The following ZPBP variants were observed in gnomAD, a reference collection of about 807,000 sequenced individuals.
ZPBP encodes the protein zona pellucida-binding protein 1.
In ZPBP, 26 loss-of-function variants were observed where a neutral mutation model predicts 44.8. The observed-to-expected ratio is 0.58, with a 90% CI of 0.43 to 0.81. ZPBP has a LOEUF of 0.81. Ranked by LOEUF, ZPBP falls within the 30% of genes least tolerant of loss-of-function variation. The probability of loss-of-function intolerance (pLI) is 0.00; values close to 1 mark genes in which losing one functional copy is unlikely to be tolerated. For missense variants in ZPBP, 409 were observed against 434.0 expected (o/e 0.94, Z 0.51); for synonymous variants, 174 against 153.2 (o/e 1.14, Z -1.00).
intron 5 of ZPBP, among the ~76,000 whole-genome samples, chr7:50,028,951 A>C (rs564586300): frequency 2.2e-4 from 34 of 152,300 alleles, no homozygotes; most frequent in African/African-American, 8.2e-4. Flanking sequence ...AATCCCTATC[A>C]AAACCCCAAT....
intron 1 of ZPBP, chr7:49,920,758 C>G (rs1183866947): frequency 6.6e-6 from 1 of 151,790 alleles, no homozygotes; most frequent in Non-Finnish European, 1.5e-5. Context: ...AATACTTATT[C>G]CATAAACTCA....
At chr7:50,061,713 T>C (rs928245228) in intron 3 of ZPBP, among the ~76,000 whole-genome samples, 3 of 152,162 alleles carry the variant, frequency 2.0e-5, no homozygotes, top group African/African-American at 7.2e-5. Flanking sequence ...TCTAGCCTGA[T>C]GCATTTCAAT....
At chr7:50,069,186 G>A (rs1801695552) in intron 3 of ZPBP, among the ~76,000 whole-genome samples, 1 of 152,208 alleles carries the variant, frequency 6.6e-6, no homozygotes, top group South Asian at 2.1e-4. Context: ...CTTAGAGGCA[G>A]TTAGCCTGGT....
intron 1 of ZPBP, among the ~76,000 whole-genome samples, chr7:49,905,396 A>G (rs1356289463): frequency 6.6e-6 from 1 of 152,222 alleles, no homozygotes; most frequent in Non-Finnish European, 1.5e-5. Context: ...AGTTCCTCAG[A>G]GTCATCAGGG....
At chr7:50,059,117 G>A (rs1280228689) in intron 3 of ZPBP, among the ~76,000 whole-genome samples, 34 of 152,144 alleles carry the variant, frequency 2.2e-4, no homozygotes, top group Admixed American at 2.2e-3. Flanking sequence ...ATTAAAATTT[G>A]CTTAGTCTGA....
At chr7:49,896,550 T>A (rs1792391892) in intron 2 of ZPBP, among the ~76,000 whole-genome samples, 1 of 151,580 alleles carries the variant, frequency 6.6e-6, no homozygotes, top group African/African-American at 2.4e-5. Flanking sequence ...AGAACAAAAA[T>A]CAGTAAAATT....
chr7:50,063,374 C>T (rs75794660), intron 3 of ZPBP, among the ~76,000 whole-genome samples: 5 of 152,246 alleles, frequency 3.3e-5, no homozygotes, highest in African/African-American at 1.2e-4. Context: ...GAAAGCACCA[C>T]TATTTGCCAT....
intron 6 of ZPBP, among the ~76,000 whole-genome samples, chr7:49,986,180 G>A (rs1002380783): frequency 1.3e-5 from 2 of 152,132 alleles, no homozygotes; most frequent in Admixed American, 6.5e-5. Context: ...TTCCCCTCTT[G>A]TATCTGAGCC....
rs541161122 is a variant in ZPBP at position 49,908,781 on chromosome 7, C to G, written n.412-7566G>C. ...GCTTTTAGTGATTAAAGGAGTGTGT[C>G]AAAAAGACATGAGAGCTAGCTTGAA... On this transcript the variant is annotated intron_variant and non_coding_transcript_variant, in intron 1 of 2. Coordinates refer to the ZPBP transcript ENST00000465922. Among the ~76,000 whole-genome samples, 9 of 152,154 alleles carry G rather than the reference C, an allele frequency of 5.9e-5. No homozygotes were observed. In the South Asian group the frequency reaches 1.9e-3, roughly 32 times the overall value.
At chr7:49,906,399 G>A (rs1038123724) in intron 1 of ZPBP, among the ~76,000 whole-genome samples, 2 of 151,918 alleles carry the variant, frequency 1.3e-5, no homozygotes, top group African/African-American at 4.8e-5. Context: ...CAGTGGCGGC[G>A]ACCTCAGCTC....
At chr7:49,975,249 G>A (rs1359510409) in intron 7 of ZPBP, among the ~76,000 whole-genome samples, 1 of 152,136 alleles carries the variant, frequency 6.6e-6, no homozygotes. Context: ...ACTGTCACTC[G>A]TGCTAACTGG....
At chr7:50,049,985 A>G (rs1448764693) in intron 4 of ZPBP, among the ~76,000 whole-genome samples, 1 of 152,016 alleles carries the variant, frequency 6.6e-6, no homozygotes, top group African/African-American at 2.4e-5. Context: ...ACATATTAGC[A>G]ATAAACATGT....
At chr7:50,047,229 G>A (rs908977642) in intron 4 of ZPBP, among the ~76,000 whole-genome samples, 31 of 151,686 alleles carry the variant, frequency 2.0e-4, no homozygotes, top group South Asian at 2.1e-4. Flanking sequence ...AAACCACCAC[G>A]GTATGTGTAT....
intron 2 of ZPBP, among the ~76,000 whole-genome samples, chr7:50,086,728 T>C (rs1411083196): frequency 1.3e-5 from 2 of 152,042 alleles, no homozygotes; most frequent in African/African-American, 4.8e-5. Context: ...CATATCAATG[T>C]ATGCATAATC....
intron 5 of ZPBP, 37 bp downstream of exon 5, chr7:50,031,055 T>C (rs967606529): frequency 6.3e-7 from 1 of 1,577,644 alleles, no homozygotes; most frequent in African/African-American, 1.3e-5. Context: ...AGTTATGTGT[T>C]CTCCATTTGC....
chr7:49,956,710 T>G (rs1266949897), intron 7 of ZPBP, among the ~76,000 whole-genome samples: 1 of 152,086 alleles, frequency 6.6e-6, no homozygotes, highest in Non-Finnish European at 1.5e-5. Flanking sequence ...TTATGAAAAT[T>G]CCACAAATCC....
intron 7 of ZPBP, among the ~76,000 whole-genome samples, chr7:49,973,967 A>G (rs1157190793): frequency 6.6e-6 from 1 of 152,198 alleles, no homozygotes; most frequent in Non-Finnish European, 1.5e-5. Context: ...TTCTACCTTA[A>G]GGAATTTAGT....
At chr7:50,040,906 G>C (rs532456940) in intron 4 of ZPBP, among the ~76,000 whole-genome samples, 1 of 152,282 alleles carries the variant, frequency 6.6e-6, no homozygotes, top group East Asian at 1.9e-4. Context: ...AAGATCCACT[G>C]GCTTGAAATT....
At chr7:50,057,916 A>T (rs1801045791) in intron 4 of ZPBP, 73 bp downstream of exon 4, 2 of 1,382,264 alleles carry the variant, frequency 1.4e-6, no homozygotes, top group East Asian at 2.4e-5. Flanking sequence ...CCTTTAAGAC[A>T]AGCCTACTTA....
Sources: gnomAD v4.1 joint callset for allele counts (sites outside exome capture counted in the v4.1 genomes callset) on GRCh38, gnomAD v4.1.1 for gene constraint, MANE v1.5 for transcripts, NCBI Gene and HGNC (gene_info 2026-07-23, HGNC 2026-07-21) for gene names.